Variants in TMEM232 observed in about 807,000 individuals in gnomAD.
The protein encoded by TMEM232 is transmembrane protein 232.
Under a neutral mutation model 78.8 loss-of-function variants are expected in TMEM232, and 80 were observed. That is an observed-to-expected ratio of 1.01 (90% CI 0.85 to 1.22). The LOEUF is 1.22. TMEM232 is among the 50% of genes most tolerant of loss of function. The pLI is 0.00. For synonymous variants in TMEM232, 297 were observed against 254.3 expected (o/e 1.17, Z -1.60); for missense variants, 881 against 742.2 (o/e 1.19, Z -2.17).
chr5:110,424,005 T>C (rs1405803077), intron 13 of TMEM232, among the ~76,000 whole-genome samples: 1 of 152,152 alleles, frequency 6.6e-6, no homozygotes, highest in Non-Finnish European at 1.5e-5. Context: ...GCTCTCGTTT[T>C]GTCATTTCAA....
At chr5:110,569,559 C>T (rs1396239740) in intron 10 of TMEM232, among the ~76,000 whole-genome samples, 1 of 151,774 alleles carries the variant, frequency 6.6e-6, no homozygotes, top group African/African-American at 2.4e-5. Flanking sequence ...TTTTAAAGCC[C>T]TTTAAATTCC....
chr5:110,698,910 A>T (rs1246894396), intron 1 of TMEM232, among the ~76,000 whole-genome samples: 2 of 152,062 alleles, frequency 1.3e-5, no homozygotes, highest in African/African-American at 4.8e-5. Flanking sequence ...ATTGCGATAA[A>T]ATTGCTCCAA....
At chr5:110,710,165 G>A (rs1213818172) in intron 1 of TMEM232, among the ~76,000 whole-genome samples, 2 of 151,984 alleles carry the variant, frequency 1.3e-5, no homozygotes, top group African/African-American at 4.8e-5. Flanking sequence ...AAAATCTAGA[G>A]GAAGTAAATT....
At chr5:110,560,014 C>T (rs1052430883) in intron 11 of TMEM232, among the ~76,000 whole-genome samples, 1 of 152,154 alleles carries the variant, frequency 6.6e-6, no homozygotes, top group African/African-American at 2.4e-5. Flanking sequence ...GGCCCATCTA[C>T]TCCAGTATGA....
chr5:110,490,172 A>G (rs1764914086), intron 12 of TMEM232, among the ~76,000 whole-genome samples: 2 of 135,232 alleles, frequency 1.5e-5, no homozygotes, highest in Admixed American at 7.0e-5. Context: ...AAAGAAAGAA[A>G]GAAAGAAAGA....
At chr5:110,584,761 T>C (rs1778612238) in intron 10 of TMEM232, among the ~76,000 whole-genome samples, 1 of 152,100 alleles carries the variant, frequency 6.6e-6, no homozygotes, top group African/African-American at 2.4e-5. Flanking sequence ...TGCTGAAGGA[T>C]CTTAATATAA....
chr5:110,535,055 T>G (rs191561927), intron 11 of TMEM232, among the ~76,000 whole-genome samples: 1 of 152,160 alleles, frequency 6.6e-6, no homozygotes, highest in East Asian at 1.9e-4. Context: ...CCCCCAAAAA[T>G]TTTTACTGTC....
At position 110,533,594 on chromosome 5, in the gene TMEM232, T is replaced by C. The variant is rs149688952; in HGVS notation, c.1456-4759A>G. 6.8e-3 allele frequency among the ~76,000 whole-genome samples: 1,036 copies of C among 152,234 alleles called. 11 individuals carry two copies. Among genetic ancestry groups the C allele is most frequent in the African/African-American group, 0.024 (981 of 41,518 alleles). ...AATCTGTTTTCTTCCTCACACCTGA[T>C]GCATATACTTTCTGCTCCCCGGCTC... On this transcript the variant is annotated intron_variant, in intron 11 of 13. Transcript: ENST00000455884.
intron 11 of TMEM232, among the ~76,000 whole-genome samples, chr5:110,562,314 C>A (rs568951293): frequency 6.6e-6 from 1 of 152,134 alleles, no homozygotes; most frequent in East Asian, 1.9e-4. Context: ...AGCTATTTTC[C>A]CAACTTGGCA....
intron 1 of TMEM232, among the ~76,000 whole-genome samples, chr5:110,702,218 T>C (rs1795503853): frequency 2.6e-5 from 4 of 152,072 alleles, no homozygotes; most frequent in Admixed American, 2.6e-4. Flanking sequence ...TTTGGGCTGC[T>C]GCTTTTCCTT....
chr5:110,642,255 A>AT lies in TMEM232; in HGVS notation c.237+4dup, dbSNP rs1369994123. 2.0e-6 allele frequency: 3 copies of AT among 1,513,114 alleles called. No individual in the cohort carries two copies. The East Asian group carries it at 7.6e-5, about 38-fold the overall frequency. 93.7% of individuals were successfully genotyped at this position (1,513,114 alleles called of 1,614,324 possible). A position where few individuals can be genotyped will look rare whatever the true frequency, so the allele number is the denominator to read the frequency against. ...ATGCTCAACAATCAAATGATATGCC[A>AT]TTACCTTACATCTGAGAATGATTTT... On this transcript the variant is annotated splice_donor_region_variant and intron_variant, in intron 3 of 13. Transcript: ENST00000455884.
intron 12 of TMEM232, among the ~76,000 whole-genome samples, chr5:110,426,629 C>A (rs1463674269): frequency 6.6e-6 from 1 of 151,912 alleles, no homozygotes; most frequent in African/African-American, 2.4e-5. Context: ...AAAAATGGAA[C>A]CCTCTCCCAA....
chr5:110,678,042 T>C (rs762057285), intron 1 of TMEM232, among the ~76,000 whole-genome samples: 2 of 152,094 alleles, frequency 1.3e-5, no homozygotes, highest in Non-Finnish European at 2.9e-5. Flanking sequence ...ACATGGGTTG[T>C]TTTCTTGTTT....
intron 11 of TMEM232, among the ~76,000 whole-genome samples, chr5:110,567,463 T>C (rs1246294347): frequency 6.6e-6 from 1 of 151,872 alleles, no homozygotes; most frequent in African/African-American, 2.4e-5. Flanking sequence ...CAGATGTTTC[T>C]GTGTGTTTTT....
chr5:110,503,264 G>T (rs1410662873), intron 12 of TMEM232, among the ~76,000 whole-genome samples: 1 of 152,162 alleles, frequency 6.6e-6, no homozygotes, highest in Non-Finnish European at 1.5e-5. Context: ...TATTTGGAAA[G>T]TAACAACTAC....
chr5:110,610,750 T>C (rs1782166935), intron 8 of TMEM232: 2 of 279,994 alleles, frequency 7.1e-6, no homozygotes, highest in Admixed American at 4.9e-5. Flanking sequence ...GGAAACAACA[T>C]AGCAACATTT....
At position 110,671,767 on chromosome 5, in the gene TMEM232, G is replaced by A. The variant is rs887112218; in HGVS notation, c.-12-4403C>T. ...TCAGTGGGTGGGGGGCCAGAGGAGCGATAGCATTAAGAGAAATACTTAATG... is the reference window on the plus strand; with the variant it reads ...TCAGTGGGTGGGGGGCCAGAGGAGCAATAGCATTAAGAGAAATACTTAATG... On this transcript the variant is annotated intron_variant, in intron 1 of 13. Coordinates refer to ENST00000455884, the MANE Select transcript of TMEM232 (RefSeq NM_001039763.4). Among the ~76,000 whole-genome samples, 16 of 152,218 alleles carry A rather than the reference G, an allele frequency of 1.1e-4. 1 individual carries two copies. The highest frequency in any genetic ancestry group is 1.0e-3 in the South Asian group (5 of 4,826).
At chr5:110,486,292 C>A (rs1008963423) in intron 12 of TMEM232, among the ~76,000 whole-genome samples, 4 of 151,802 alleles carry the variant, frequency 2.6e-5, no homozygotes, top group African/African-American at 9.7e-5. Context: ...GCTGACTGTT[C>A]CTTTTGCCAT....
intron 10 of TMEM232, 82 bp from the exon 11 acceptor site, chr5:110,568,707 A>G: frequency 7.7e-7 from 1 of 1,293,276 alleles, no homozygotes; most frequent in Non-Finnish European, 1.0e-6. Context: ...GAATAAACCA[A>G]TTTTACTATA....
Sources: allele counts gnomAD v4.1 joint callset (sites outside exome capture counted in the v4.1 genomes callset), GRCh38; gene constraint gnomAD v4.1.1; transcripts MANE v1.5; gene names NCBI Gene and HGNC (gene_info 2026-07-23, HGNC 2026-07-21).